Variants in GRID2 observed in about 807,000 individuals in gnomAD.
GRID2 encodes the protein glutamate ionotropic receptor delta type subunit 2, also known as glutamate receptor ionotropic, delta-2.
GRID2 carries 33 observed loss-of-function variants against 114.8 expected under a neutral mutation model. That is an observed-to-expected ratio of 0.29 (90% CI 0.22 to 0.38). GRID2 has a LOEUF of 0.38. GRID2 is among the 10% of genes least tolerant of loss of function. GRID2 has a pLI of 1.00. For missense variants in GRID2, 1,184 were observed against 1,257.7 expected (o/e 0.94, Z 0.89); for synonymous variants, 505 against 449.9 (o/e 1.12, Z -1.55).
intron 13 of GRID2, among the ~76,000 whole-genome samples, chr4:93,560,045 A>C (rs1387264211): frequency 1.3e-5 from 2 of 151,714 alleles, no homozygotes; most frequent in Non-Finnish European, 2.9e-5. Context: ...ACATGGACAC[A>C]GGGAGGGGAA....
At chr4:93,582,366 C>T (rs945236459) in intron 13 of GRID2, among the ~76,000 whole-genome samples, 1 of 152,146 alleles carries the variant, frequency 6.6e-6, no homozygotes, top group African/African-American at 2.4e-5. Flanking sequence ...ATCTCCCCAT[C>T]TGAAAATTCT....
chr4:92,326,087 T>C (rs911664663), intron 1 of GRID2, among the ~76,000 whole-genome samples: 5 of 151,822 alleles, frequency 3.3e-5, no homozygotes, highest in African/African-American at 4.8e-5. Context: ...AGCATTTAAT[T>C]CTCCTGGCAG....
At chr4:92,451,022 A>G (rs146964164) in intron 1 of GRID2, among the ~76,000 whole-genome samples, 3,238 of 152,058 alleles carry the variant, frequency 0.021, 50 homozygotes, top group Non-Finnish European at 0.031. Context: ...AATGTTATTT[A>G]ACAAATATAT....
intron 4 of GRID2, among the ~76,000 whole-genome samples, chr4:93,144,520 G>A (rs2149389476): frequency 6.6e-6 from 1 of 152,298 alleles, no homozygotes; most frequent in Middle Eastern, 3.4e-3. Context: ...GAGATGCACT[G>A]TGATTCAGGA....
intron 1 of GRID2, among the ~76,000 whole-genome samples, chr4:92,327,905 T>C (rs1253618193): frequency 6.6e-6 from 1 of 152,028 alleles, no homozygotes; most frequent in East Asian, 1.9e-4. Flanking sequence ...TAGTGCATTA[T>C]TTACAGTAAG....
chr4:92,325,783 T>C (rs1196188175), intron 1 of GRID2, among the ~76,000 whole-genome samples: 2 of 151,852 alleles, frequency 1.3e-5, no homozygotes, highest in African/African-American at 4.8e-5. Flanking sequence ...TCTTCTTTCA[T>C]GACCATTTAA....
chr4:92,843,451 A>C (rs1051875238), intron 2 of GRID2, among the ~76,000 whole-genome samples: 5 of 152,078 alleles, frequency 3.3e-5, no homozygotes, highest in African/African-American at 1.2e-4. Flanking sequence ...TGTCTGCTGT[A>C]TCTGAAATTT....
intron 2 of GRID2, among the ~76,000 whole-genome samples, chr4:92,812,768 C>A (rs528119233): frequency 6.6e-6 from 1 of 152,176 alleles, no homozygotes; most frequent in East Asian, 1.9e-4. Flanking sequence ...ATAATTCTGG[C>A]ATGTTTGACA....
At chr4:93,417,912 G>T (rs1767882429) in intron 9 of GRID2, among the ~76,000 whole-genome samples, 2 of 151,108 alleles carry the variant, frequency 1.3e-5, no homozygotes, top group Non-Finnish European at 3.0e-5. Flanking sequence ...AGACAAGGGT[G>T]CTATGAGCAT....
intron 2 of GRID2, among the ~76,000 whole-genome samples, chr4:92,891,893 A>C (rs2149470190): frequency 6.6e-6 from 1 of 152,296 alleles, no homozygotes; most frequent in Middle Eastern, 3.4e-3. Context: ...TTCTGTGTCA[A>C]ATATTCTTTC....
intron 4 of GRID2, among the ~76,000 whole-genome samples, chr4:93,129,571 C>T (rs574334076): frequency 2.6e-5 from 4 of 152,124 alleles, no homozygotes; most frequent in Non-Finnish European, 5.9e-5. Context: ...TATCACAATC[C>T]AGGGCCTACT....
intron 8 of GRID2, among the ~76,000 whole-genome samples, chr4:93,273,192 T>C (rs1008845318): frequency 6.6e-6 from 1 of 152,252 alleles, no homozygotes; most frequent in Non-Finnish European, 1.5e-5. Context: ...CTATTTTATT[T>C]CTATTTATGG....
intron 7 of GRID2, among the ~76,000 whole-genome samples, chr4:93,234,312 C>A (rs1030659928): frequency 2.6e-5 from 4 of 151,978 alleles, no homozygotes; most frequent in South Asian, 4.2e-4. Context: ...CCCTTCTGAG[C>A]AATTCTCTAT....
intron 2 of GRID2, among the ~76,000 whole-genome samples, chr4:92,920,086 C>G (rs981973340): frequency 6.6e-6 from 1 of 152,164 alleles, no homozygotes; most frequent in African/African-American, 2.4e-5. Context: ...GAATTGATCT[C>G]TTTACCATTA....
At chr4:93,193,991 A>C (rs1255442116) in intron 4 of GRID2, among the ~76,000 whole-genome samples, 2 of 152,230 alleles carry the variant, frequency 1.3e-5, no homozygotes, top group Admixed American at 6.5e-5. Flanking sequence ...AAATACATAC[A>C]GTAATCTTCA....
intron 1 of GRID2, among the ~76,000 whole-genome samples, chr4:92,510,626 G>A (rs755997185): frequency 8.6e-5 from 13 of 151,670 alleles, no homozygotes; most frequent in Admixed American, 2.0e-4. Context: ...AATTAGATAC[G>A]AAGAATACAC....
intron 1 of GRID2, among the ~76,000 whole-genome samples, chr4:92,580,651 A>G (rs1231941467): frequency 6.6e-6 from 1 of 151,980 alleles, no homozygotes; most frequent in Non-Finnish European, 1.5e-5. Flanking sequence ...TGACCCTTCT[A>G]AGAGGATCAC....
At chr4:93,637,910 C>A (rs116487976) in intron 14 of GRID2, among the ~76,000 whole-genome samples, 1 of 152,118 alleles carries the variant, frequency 6.6e-6, no homozygotes, top group African/African-American at 2.4e-5. Flanking sequence ...AAACTAACAT[C>A]ATAATTGGTC....
intron 2 of GRID2, among the ~76,000 whole-genome samples, chr4:92,990,307 G>A (rs2870655): frequency 0.41 from 43,992 of 106,222 alleles, 8,457 homozygotes; most frequent in Non-Finnish European, 0.49. Flanking sequence ...ATATATATAT[G>A]TGTGTGTGTG....
Sources: gnomAD v4.1 joint callset for allele counts (sites outside exome capture counted in the v4.1 genomes callset) on GRCh38, gnomAD v4.1.1 for gene constraint, MANE v1.5 for transcripts, NCBI Gene and HGNC (gene_info 2026-07-23, HGNC 2026-07-21) for gene names.